RPH3A: variants seen among roughly 807,000 people sequenced by gnomAD.
The protein encoded by RPH3A is rabphilin 3A, also known as rabphilin-3A.
A neutral mutation model predicts 102.2 loss-of-function variants in RPH3A; 48 were observed. The ratio of observed to expected loss-of-function variants is 0.47; its 90% CI spans 0.37 to 0.60. The LOEUF is 0.60. RPH3A is among the 20% of genes least tolerant of loss of function. RPH3A has a pLI of 0.00. For missense variants in RPH3A, 781 were observed against 910.1 expected (o/e 0.86, Z 1.83); for synonymous variants, 310 against 324.3 (o/e 0.96, Z 0.47).
chr12:112,827,055 T>C (rs2041889494), intron 2 of RPH3A, among the ~76,000 whole-genome samples: 1 of 152,154 alleles, frequency 6.6e-6, no homozygotes, highest in Admixed American at 6.5e-5. Flanking sequence ...TGACACCATT[T>C]TTTTCAGCTT....
At chr12:112,694,526 A>G (rs1387342338) in intron 1 of RPH3A, among the ~76,000 whole-genome samples, 1 of 152,036 alleles carries the variant, frequency 6.6e-6, no homozygotes, top group Non-Finnish European at 1.5e-5. Flanking sequence ...GCAGCATAAG[A>G]AAGGACCAGA....
intron 2 of RPH3A, among the ~76,000 whole-genome samples, chr12:112,807,050 A>G (rs2041481473): frequency 6.6e-6 from 1 of 152,122 alleles, no homozygotes; most frequent in African/African-American, 2.4e-5. Flanking sequence ...AAAGAAGGCC[A>G]GCATGGTTAG....
At chr12:112,600,521 A>G (rs147968325) in intron 1 of RPH3A, among the ~76,000 whole-genome samples, 71 of 152,274 alleles carry the variant, frequency 4.7e-4, no homozygotes, top group Admixed American at 1.7e-3. Context: ...TCTCTGAGCC[A>G]CTGTTTCCTC....
intron 1 of RPH3A, among the ~76,000 whole-genome samples, chr12:112,710,064 G>T (rs953168098): frequency 6.6e-6 from 1 of 151,672 alleles, no homozygotes; most frequent in South Asian, 2.1e-4. Context: ...AAGCTCCGCC[G>T]CCCGGGTTCA....
intron 1 of RPH3A, among the ~76,000 whole-genome samples, chr12:112,759,765 T>G (rs988719541): frequency 6.6e-6 from 1 of 152,080 alleles, no homozygotes; most frequent in Non-Finnish European, 1.5e-5. Context: ...CCTCAGCCAT[T>G]CTAACTCTGG....
chr12:112,880,231 C>T (rs1345517020), intron 14 of RPH3A, among the ~76,000 whole-genome samples: 2 of 152,128 alleles, frequency 1.3e-5, no homozygotes, highest in African/African-American at 4.8e-5. Context: ...TATGTATCAG[C>T]ATTTATTGGG....
chr12:112,873,073 C>A (rs573363579), intron 10 of RPH3A, among the ~76,000 whole-genome samples: 1 of 152,322 alleles, frequency 6.6e-6, no homozygotes, highest in South Asian at 2.1e-4. Flanking sequence ...TCTTGCTCAT[C>A]ATTTTCCAGC....
In RPH3A at chr12:112,898,855, A is replaced by C. The variant is rs1230062771; in HGVS notation, c.*2075A>C. ...ATCTTTCTTTGTGATGATGTAGCCA[A>C]AAATAAAGTAGGAGCATCCAAGAAA... On this transcript the variant is annotated 3_prime_UTR_variant, in exon 22 of 22. Coordinates refer to ENST00000389385, the MANE Select transcript of RPH3A (RefSeq NM_001143854.2). 1 of 152,274 alleles carries C rather than the reference A, an allele frequency of 6.6e-6. No individual in the cohort carries two copies. The highest frequency in any genetic ancestry group is 1.5e-5 in the Non-Finnish European group (1 of 68,068). 9.4% of individuals were successfully genotyped at this position (152,274 alleles called of 1,614,324 possible).
intron 1 of RPH3A, among the ~76,000 whole-genome samples, chr12:112,660,226 T>A (rs2040040475): frequency 1.3e-5 from 2 of 152,134 alleles, no homozygotes; most frequent in East Asian, 1.9e-4. Context: ...TGTACATCAG[T>A]CTATATATTG....
At chr12:112,663,996 T>C (rs568514547) in intron 1 of RPH3A, among the ~76,000 whole-genome samples, 23 of 152,176 alleles carry the variant, frequency 1.5e-4, no homozygotes, top group Admixed American at 5.9e-4. Flanking sequence ...GCCTACTCCA[T>C]GGTTGGGAGT....
chr12:112,589,446 C>A (rs962783324), intron 1 of RPH3A, among the ~76,000 whole-genome samples: 1 of 152,140 alleles, frequency 6.6e-6, no homozygotes, highest in Non-Finnish European at 1.5e-5. Flanking sequence ...CCTTGAACAT[C>A]TCTAAGAACA....
intron 1 of RPH3A, among the ~76,000 whole-genome samples, chr12:112,685,208 A>T (rs1170882382): frequency 6.6e-6 from 1 of 152,198 alleles, no homozygotes; most frequent in Non-Finnish European, 1.5e-5. Flanking sequence ...AAGTGGTGGG[A>T]TTACAGGCAT....
At chr12:112,651,321 G>T (rs1456849341) in intron 1 of RPH3A, among the ~76,000 whole-genome samples, 1 of 152,014 alleles carries the variant, frequency 6.6e-6, no homozygotes, top group Non-Finnish European at 1.5e-5. Flanking sequence ...AGCAGAGATT[G>T]CACCATTGCA....
intron 1 of RPH3A, among the ~76,000 whole-genome samples, chr12:112,649,862 T>C (rs1344940212): frequency 6.6e-6 from 1 of 152,204 alleles, no homozygotes; most frequent in Non-Finnish European, 1.5e-5. Context: ...CTCACCATGC[T>C]CTCACACAGC....
intron 1 of RPH3A, among the ~76,000 whole-genome samples, chr12:112,739,554 TGAA>T (rs1385622444): frequency 6.6e-6 from 1 of 152,216 alleles, no homozygotes; most frequent in Non-Finnish European, 1.5e-5. Context: ...GGTGTCACCT[TGAA>T]GAAATTTAGA....
chr12:112,764,956 A>C (rs1228313369), intron 1 of RPH3A, among the ~76,000 whole-genome samples: 5 of 152,096 alleles, frequency 3.3e-5, no homozygotes, highest in Non-Finnish European at 5.9e-5. Context: ...TGTCTGACTG[A>C]TATTAACTTG....
At chr12:112,830,400 C>T (rs992560431) in intron 3 of RPH3A, among the ~76,000 whole-genome samples, 1 of 151,920 alleles carries the variant, frequency 6.6e-6, no homozygotes, top group African/African-American at 2.4e-5. Flanking sequence ...AGAATATGAC[C>T]TATATGATAC....
At position 112,894,274 on chromosome 12, in the gene RPH3A, G is replaced by T. The variant is rs563007393; in HGVS notation, c.1776-304G>T. The T allele has an allele frequency of 1.5e-4, 62 of 416,746 alleles. 1 individual carries two copies. The South Asian group carries it at 2.4e-3, about 16-fold the overall frequency. 25.8% of individuals were successfully genotyped at this position (416,746 alleles called of 1,614,324 possible). A position where few individuals can be genotyped will look rare whatever the true frequency, so the allele number is the denominator to read the frequency against. On this transcript the variant is annotated intron_variant, in intron 19 of 21. Coordinates refer to ENST00000389385, the MANE Select transcript of RPH3A (RefSeq NM_001143854.2). The stretch of plus-strand genomic sequence containing the variant: ...ACACAGACTCTAGATGCAACATCTG[G>T]ATTCAATCCCAGCTGTGTGAGCTAG...
intron 1 of RPH3A, among the ~76,000 whole-genome samples, chr12:112,744,234 C>A (rs1003556673): frequency 6.6e-6 from 1 of 152,134 alleles, no homozygotes; most frequent in Non-Finnish European, 1.5e-5. Flanking sequence ...TGCTACCATG[C>A]CTGGCTAATT....
Sources: gnomAD v4.1 joint callset for allele counts (sites outside exome capture counted in the v4.1 genomes callset) on GRCh38, gnomAD v4.1.1 for gene constraint, MANE v1.5 for transcripts, NCBI Gene and HGNC (gene_info 2026-07-23, HGNC 2026-07-21) for gene names.